PLPP2: variants seen among roughly 807,000 people sequenced by gnomAD.
PLPP2 encodes phospholipid phosphatase 2.
In PLPP2, 29 loss-of-function variants were observed where a neutral mutation model predicts 35.2. That is an observed-to-expected ratio of 0.82 (90% confidence interval 0.61 to 1.12). The LOEUF (loss-of-function observed/expected upper bound fraction) is 1.12, where lower values mean the gene tolerates loss of function less well. PLPP2 is among the 50% of genes most tolerant of loss of function. The pLI, the probability that PLPP2 is intolerant of heterozygous loss-of-function variation, is 0.00. For missense variants in PLPP2, 353 were observed against 375.2 expected, an observed-to-expected ratio of 0.94 and a Z score of 0.49; for synonymous variants, 162 against 167.0, an observed-to-expected ratio of 0.97 and a Z score of 0.23.
At chr19:281,583 T>C (rs1214102697) in intron 5 of PLPP2, 46 bp from the exon 6 acceptor site, 3 of 1,410,992 alleles carry the variant, frequency 2.1e-6, no homozygotes, top group Non-Finnish European at 2.8e-6. Context: ...GCTGTCCAGG[T>C]ACCAGGGACA....
At chr19:281,978 A>G (rs1600075807) in intron 5 of PLPP2, 156 bp downstream of exon 5, 1 of 697,262 alleles carries the variant, frequency 1.4e-6, no homozygotes, top group Non-Finnish European at 2.2e-6. Context: ...GGTAAAGGGA[A>G]GGACTGGGGT....
intron 3 of PLPP2, chr19:286,512 T>C (rs1970273744): frequency 6.6e-6 from 1 of 151,842 alleles, no homozygotes; most frequent in Non-Finnish European, 1.5e-5. Context: ...AAAAAGAAGA[T>C]ATAACCTAAG....
chr19:290,013 G>C (rs779835108), intron 1 of PLPP2, among the ~76,000 whole-genome samples: 1 of 152,138 alleles, frequency 6.6e-6, no homozygotes, highest in Non-Finnish European at 1.5e-5. Context: ...GACAGGCGCC[G>C]GGCTTCCCTC....
intron 3 of PLPP2, chr19:286,247 G>A (rs527781522): frequency 6.6e-6 from 1 of 152,192 alleles, no homozygotes; most frequent in South Asian, 2.1e-4. Flanking sequence ...TGAGGCGAGA[G>A]GATTGCTTGA....
Position 287,580 on chromosome 19 carries a change from T to A in PLPP2, c.376A>T (p.Asn126Tyr). ...AKYMIGRLRP[N>Y]FLAVCDPDWS... ...TCGGGGTCGCAGACGGCTAGGAAGT[T>A]GGGCCTCAGACGCCCAATCATGTAC... The change falls in exon 3 of 6, where the codon AAC (asparagine) becomes TAC (tyrosine). Residue 126 changes from asparagine to tyrosine, a missense_variant. Transcript: ENST00000434325. The surrounding 1 kb of genome is among the most constrained non-coding windows in gnomAD (Gnocchi z 4.3). 1 of 1,613,826 alleles carries A rather than the reference T, an allele frequency of 6.2e-7. No homozygotes were observed. The highest frequency in any genetic ancestry group is 1.1e-5 in the South Asian group (1 of 91,088).
chr19:287,356 C>G lies in PLPP2; in HGVS notation c.482+118G>C. 1.5e-6 allele frequency: 2 copies of G among 1,301,524 alleles called. No homozygotes were observed. Among genetic ancestry groups the G allele is most frequent in the Non-Finnish European group, 1.1e-6 (1 of 952,072 alleles). The allele number at this position is 1,301,524 out of a possible 1,614,324, so 80.6% of individuals were successfully genotyped here. On this transcript the variant is annotated intron_variant, in intron 3 of 5. Coordinates refer to ENST00000434325, the MANE Select transcript of PLPP2 (RefSeq NM_003712.4). The surrounding 1 kb of genome is among the most constrained non-coding windows in gnomAD (Gnocchi z 4.3). ...TGCACTAACTTATACAAAAATTAGC[C>G]GGGCGTGGTGGCGCACGCCTGTAGT...
intron 3 of PLPP2, chr19:284,537 T>C (rs536611545): frequency 1.3e-5 from 2 of 152,292 alleles, no homozygotes; most frequent in South Asian, 2.1e-4. Flanking sequence ...CCCTCCCAAA[T>C]AGCTGTGACA....
rs748889322 is a variant in PLPP2, at chr19:291,267, G to A, written c.52+18C>T. 3 of 1,599,982 alleles carry A rather than the reference G, an allele frequency of 1.9e-6. No individual in the cohort carries two copies. The highest frequency in any genetic ancestry group is 2.6e-6 in the Non-Finnish European group (3 of 1,174,228). The stretch of plus-strand genomic sequence containing the variant: ...CCCGGGAGGGTCCCCCCAACACCCG[G>A]GTCCCCAAGGCTCTTACCGACCAGT... On this transcript the variant is annotated intron_variant, in intron 1 of 5. Coordinates refer to ENST00000434325, the MANE Select transcript of PLPP2 (RefSeq NM_003712.4).
chr19:290,009 C>T (rs1423557126), intron 1 of PLPP2, among the ~76,000 whole-genome samples: 4 of 152,140 alleles, frequency 2.6e-5, no homozygotes, highest in Non-Finnish European at 1.5e-5. Flanking sequence ...TAACGACAGG[C>T]GCCGGGCTTC....
rs772164372 is a variant in PLPP2 at position 287,596 on chromosome 19, A to C, written c.360T>G (p.Ile120Met). The C allele has an allele frequency of 1.2e-5, 20 of 1,613,762 alleles. No individual in the cohort carries two copies. Among genetic ancestry groups the C allele is most frequent in the Non-Finnish European group, 1.7e-5 (20 of 1,180,040 alleles). Residue 120 changes from isoleucine (I) to methionine (M), a missense_variant, in exon 3 of 6, where the codon ATT becomes ATG. Transcript: ENST00000434325. The surrounding 1 kb of genome is among the most constrained non-coding windows in gnomAD (Gnocchi z 4.3). ...QSLTDLAKYM[I>M]GRLRPNFLAV... is the part of the protein sequence containing the mutation. ...CTAGGAAGTTGGGCCTCAGACGCCC[A>C]ATCATGTACTTGGCCAGGTCTGTCA... is the stretch of plus-strand genomic sequence containing the variant.
rs139689813 is a variant in PLPP2, at chr19:282,181, C to G, written c.670G>C (p.Asp224His). ...RVSDYKHHWS[D>H]VLVGLLQGAL... ...CCCTGCAGGAGGCCAACAAGGACAT[C>G]GCTCCAGTGGTGTTTGTAATCAGAC... Residue 224 changes from aspartate (D) to histidine (H), a missense_variant, in exon 5 of 6, where the codon GAT becomes CAT. Physicochemically the swap from Asp to His is moderately conservative, Grantham distance 81. Transcript: ENST00000434325. 1.1e-5 allele frequency: 17 copies of G among 1,613,814 alleles called. No individual in the cohort carries two copies. Among genetic ancestry groups the G allele is most frequent in the Non-Finnish European group, 1.4e-5 (17 of 1,179,872 alleles).
At chr19:281,891 G>C in intron 5 of PLPP2, 1 of 542,164 alleles carries the variant, frequency 1.8e-6, no homozygotes, top group Non-Finnish European at 3.3e-6. Context: ...GGAGGACTTT[G>C]GGGGTAATGA....
intron 1 of PLPP2, among the ~76,000 whole-genome samples, chr19:289,120 G>A (rs1332494376): frequency 6.6e-6 from 1 of 152,192 alleles, no homozygotes; most frequent in Non-Finnish European, 1.5e-5. Context: ...CTGAGCTGAG[G>A]GTGGCCAGGG....
chr19:281,721 A>C (rs1052006247), intron 5 of PLPP2, among the ~76,000 whole-genome samples, 184 bp from the exon 6 acceptor site: 15 of 150,268 alleles, frequency 1.0e-4, no homozygotes, highest in South Asian at 6.4e-4. Flanking sequence ...GGGAGCACTG[A>C]GGAGCTGACA....
At chr19:288,477 A>G in intron 1 of PLPP2, 1 of 197,512 alleles carries the variant, frequency 5.1e-6, no homozygotes, top group Non-Finnish European at 1.0e-5. Flanking sequence ...AAATTTTTAA[A>G]AGTAGAGACA....
At position 281,055 on chromosome 19, in the gene PLPP2, G is replaced by T. The variant is rs1970165089; in HGVS notation, c.*333C>A. The T allele has an allele frequency of 5.2e-6, 1 of 191,980 alleles. No homozygotes were observed. The highest frequency in any genetic ancestry group is 1.1e-5 in the Non-Finnish European group (1 of 94,622). 11.9% of individuals were successfully genotyped at this position (191,980 alleles called of 1,614,324 possible). A position where few individuals can be genotyped will look rare whatever the true frequency, so the allele number is the denominator to read the frequency against. ...AGCACTGAGACCGTTTGTGAAACAG[G>T]TGCCCTATTTTACTAAAAACCACAT... On this transcript the variant is annotated 3_prime_UTR_variant, in exon 6 of 6. Coordinates refer to ENST00000434325, the MANE Select transcript of PLPP2 (RefSeq NM_003712.4).
At chr19:290,795 C>A (rs1006153682) in intron 1 of PLPP2, among the ~76,000 whole-genome samples, 1 of 152,184 alleles carries the variant, frequency 6.6e-6, no homozygotes, top group Admixed American at 6.5e-5. Context: ...CCTCCCCGCA[C>A]GTGCACGGGT....
chr19:287,784 C>G lies in PLPP2; in HGVS notation c.205-33G>C. On this transcript the variant is annotated intron_variant, in intron 2 of 5. Transcript: ENST00000434325. This position sits in a 1 kb window ranked among gnomAD's most constrained non-coding sequence, Gnocchi z 4.3. ...AGCAGCCGCAGGAACCAGTGGGGGT[C>G]TCGGTCGGCCCAGGGGCCCTCACTC... 6.2e-7 allele frequency: 1 copy of G among 1,610,666 alleles called. No homozygotes were observed. Among genetic ancestry groups the G allele is most frequent in the Admixed American group, 1.7e-5 (1 of 59,950 alleles).
chr19:287,519 A>C lies in PLPP2; in HGVS notation c.437T>G (p.Leu146Arg). ...AGGGTTTCCCCTGCACACCTTCTCCAGCTGCACATAGACCGAGCAGTTGAC... is the reference window on the plus strand; with the variant it reads ...AGGGTTTCCCCTGCACACCTTCTCCCGCTGCACATAGACCGAGCAGTTGAC... ...SRVNCSVYVQ[L>R]EKVCRGNPAD... Residue 146 changes from leucine to arginine, a missense_variant, in exon 3 of 6, where the codon CTG becomes CGG. Transcript: ENST00000434325. The surrounding 1 kb of genome is among the most constrained non-coding windows in gnomAD (Gnocchi z 4.3). 1 of 1,613,552 alleles carries C rather than the reference A, an allele frequency of 6.2e-7. No homozygotes were observed. Among genetic ancestry groups the C allele is most frequent in the East Asian group, 2.2e-5 (1 of 44,854 alleles).
Sources: gnomAD v4.1 joint callset for allele counts (sites outside exome capture counted in the v4.1 genomes callset) on GRCh38, gnomAD v4.1.1 for gene constraint, Gnocchi (gnomAD v3.1) non-coding constraint, MANE v1.5 for transcripts, NCBI Gene and HGNC (gene_info 2026-07-23, HGNC 2026-07-21) for gene names.